The following KCNH5 variants were observed in gnomAD, a reference collection of about 807,000 sequenced individuals.
KCNH5 encodes voltage-gated delayed rectifier potassium channel KCNH5.
KCNH5 carries 46 observed loss-of-function variants against 96.1 expected under a neutral mutation model. The observed-to-expected ratio is 0.48, with a 90% confidence interval of 0.38 to 0.61. KCNH5 has a LOEUF of 0.61. Ranked by LOEUF, KCNH5 falls within the 20% of genes least tolerant of loss-of-function variation. The pLI, the probability that KCNH5 is intolerant of heterozygous loss-of-function variation, is 0.00. For missense variants in KCNH5, 907 were observed against 1,225.8 expected (o/e 0.74, Z 3.88); for synonymous variants, 439 against 449.8 (o/e 0.98, Z 0.30).
chr14:62,896,059 T>G (rs1485938985), intron 7 of KCNH5, among the ~76,000 whole-genome samples: 2 of 152,282 alleles, frequency 1.3e-5, no homozygotes, highest in African/African-American at 4.8e-5. Flanking sequence ...CTACTGTGTT[T>G]TCAACCCAAT....
chr14:62,770,682 G>T (rs1453338097), intron 10 of KCNH5, among the ~76,000 whole-genome samples: 2 of 152,168 alleles, frequency 1.3e-5, no homozygotes, highest in Non-Finnish European at 2.9e-5. Context: ...AGAAAACCTT[G>T]CTGGTATTGA....
chr14:62,797,186 T>G (rs749845063), intron 9 of KCNH5, among the ~76,000 whole-genome samples: 30 of 152,146 alleles, frequency 2.0e-4, no homozygotes, highest in Non-Finnish European at 4.0e-4. Flanking sequence ...GAGGGAGGGT[T>G]TGAAGTTTAA....
intron 8 of KCNH5, among the ~76,000 whole-genome samples, chr14:62,806,713 C>A (rs768907902): frequency 1.3e-5 from 2 of 152,046 alleles, no homozygotes; most frequent in Non-Finnish European, 2.9e-5. Context: ...GGCAAGGATG[C>A]CTGACTGACA....
chr14:62,859,656 G>A (rs372010138), intron 7 of KCNH5, among the ~76,000 whole-genome samples: 37 of 152,276 alleles, frequency 2.4e-4, no homozygotes, highest in Middle Eastern at 6.8e-3. Context: ...ACATAATCGC[G>A]CATCTGGCCA....
chr14:62,729,585 T>C (rs746244912), intron 10 of KCNH5, among the ~76,000 whole-genome samples: 5 of 152,202 alleles, frequency 3.3e-5, no homozygotes, highest in Admixed American at 6.5e-5. Flanking sequence ...TGAGACTTGC[T>C]ATTGTCTACT....
At chr14:62,837,254 T>G (rs1887483249) in intron 8 of KCNH5, among the ~76,000 whole-genome samples, 1 of 152,202 alleles carries the variant, frequency 6.6e-6, no homozygotes, top group South Asian at 2.1e-4. Flanking sequence ...TACTAGACTG[T>G]GAGTCCTGCG....
intron 9 of KCNH5, among the ~76,000 whole-genome samples, chr14:62,780,390 G>A (rs1886185333): frequency 6.6e-6 from 1 of 151,972 alleles, no homozygotes; most frequent in Admixed American, 6.6e-5. Flanking sequence ...ACTATGTATT[G>A]TGCCCCAAGC....
chr14:62,788,821 T>G (rs1016007839), intron 9 of KCNH5, among the ~76,000 whole-genome samples: 22 of 152,078 alleles, frequency 1.4e-4, no homozygotes, highest in African/African-American at 5.1e-4. Flanking sequence ...ATGCATTGTT[T>G]TTCTAGACAT....
chr14:62,976,772 A>G (rs1307198497), intron 6 of KCNH5, among the ~76,000 whole-genome samples: 1 of 152,250 alleles, frequency 6.6e-6, no homozygotes, highest in Non-Finnish European at 1.5e-5. Flanking sequence ...GTATCTTTCA[A>G]AATTCTGAAG....
intron 10 of KCNH5, among the ~76,000 whole-genome samples, chr14:62,731,167 G>C (rs978567781): frequency 1.3e-5 from 2 of 151,942 alleles, no homozygotes; most frequent in South Asian, 2.1e-4. Flanking sequence ...TGGGCATGGT[G>C]GTGGGTGCCT....
At chr14:62,771,578 T>C (rs1481399178) in intron 10 of KCNH5, among the ~76,000 whole-genome samples, 1 of 152,060 alleles carries the variant, frequency 6.6e-6, no homozygotes, top group Non-Finnish European at 1.5e-5. Context: ...TGAGCCGAGA[T>C]CGTGCCACTG....
chr14:62,911,630 A>C (rs1034168173), intron 7 of KCNH5, among the ~76,000 whole-genome samples: 1 of 152,166 alleles, frequency 6.6e-6, no homozygotes, highest in Non-Finnish European at 1.5e-5. Flanking sequence ...AACAGAATAC[A>C]AATTAGAGAA....
chr14:62,991,762 T>A (rs76157528), intron 4 of KCNH5, among the ~76,000 whole-genome samples: 1,540 of 152,154 alleles, frequency 0.01, 29 homozygotes, highest in African/African-American at 0.035. Flanking sequence ...CCTTCTCTCC[T>A]TACTGTCAGC....
At chr14:62,888,361 G>C (rs965693671) in intron 7 of KCNH5, among the ~76,000 whole-genome samples, 2 of 152,138 alleles carry the variant, frequency 1.3e-5, no homozygotes, top group South Asian at 4.1e-4. Context: ...ATTCTCTTTT[G>C]TACTGTAATT....
At chr14:63,041,132 T>C (rs1891816532) in intron 1 of KCNH5, among the ~76,000 whole-genome samples, 1 of 152,134 alleles carries the variant, frequency 6.6e-6, no homozygotes, top group Non-Finnish European at 1.5e-5. Context: ...TCTGCCTATT[T>C]GCTAAGGAAT....
chr14:62,805,593 A>C (rs1438202322), intron 8 of KCNH5, among the ~76,000 whole-genome samples: 1 of 152,114 alleles, frequency 6.6e-6, no homozygotes, highest in African/African-American at 2.4e-5. Flanking sequence ...GCCAAGGCAA[A>C]ACTTGGTTTT....
At chr14:63,003,929 T>C (rs2139595067) in intron 3 of KCNH5, among the ~76,000 whole-genome samples, 1 of 152,042 alleles carries the variant, frequency 6.6e-6, no homozygotes, top group Middle Eastern at 3.4e-3. Context: ...CAGAAAGAGC[T>C]ATCTTAAGCT....
At chr14:62,807,377 G>C (rs549106837) in intron 8 of KCNH5, among the ~76,000 whole-genome samples, 1 of 151,550 alleles carries the variant, frequency 6.6e-6, no homozygotes, top group East Asian at 1.9e-4. Context: ...CTAATTAATT[G>C]GCTGAAACAA....
intron 10 of KCNH5, among the ~76,000 whole-genome samples, chr14:62,718,174 C>T (rs528022779): frequency 4.6e-5 from 7 of 152,218 alleles, no homozygotes; most frequent in African/African-American, 1.7e-4. Flanking sequence ...TGGTTTTTCA[C>T]TACCCAATAT....
Sources: allele counts gnomAD v4.1 joint callset (sites outside exome capture counted in the v4.1 genomes callset), GRCh38; gene constraint gnomAD v4.1.1; transcripts MANE v1.5; gene names NCBI Gene and HGNC (gene_info 2026-07-23, HGNC 2026-07-21).